The following TMPRSS15 variants were observed in gnomAD, a reference collection of about 807,000 sequenced individuals.
The protein encoded by TMPRSS15 is enteropeptidase.
Under a neutral mutation model 125.3 loss-of-function variants are expected in TMPRSS15, and 128 were observed. The ratio of observed to expected loss-of-function variants is 1.02; its 90% CI spans 0.89 to 1.18. TMPRSS15 has a LOEUF of 1.18. TMPRSS15 is among the 50% of genes most tolerant of loss of function. The pLI is 0.00. For missense variants in TMPRSS15, 1,283 were observed against 1,212.7 expected (o/e 1.06, Z -0.86); for synonymous variants, 446 against 423.2 (o/e 1.05, Z -0.66).
intron 17 of TMPRSS15, among the ~76,000 whole-genome samples, chr21:18,314,260 A>G (rs984233327): frequency 9.2e-5 from 14 of 152,032 alleles, no homozygotes; most frequent in Non-Finnish European, 2.1e-4. Flanking sequence ...TAGTTTCCTC[A>G]TGGGTAAACT....
chr21:18,448,684 T>A (rs2076260860), intron 1 of TMPRSS15, among the ~76,000 whole-genome samples: 1 of 152,132 alleles, frequency 6.6e-6, no homozygotes, highest in Non-Finnish European at 1.5e-5. Context: ...GATACATTTA[T>A]ATAATTTTAA....
At chr21:18,321,446 G>A (rs1329739681) in intron 16 of TMPRSS15, among the ~76,000 whole-genome samples, 15 of 133,832 alleles carry the variant, frequency 1.1e-4, no homozygotes, top group Non-Finnish European at 1.8e-4. Flanking sequence ...TCCACCTCCC[G>A]GGTTCACGCC....
chr21:18,291,210 G>A (rs1384109894), intron 21 of TMPRSS15, among the ~76,000 whole-genome samples: 3 of 152,208 alleles, frequency 2.0e-5, no homozygotes, highest in South Asian at 2.1e-4. Flanking sequence ...GAGATACTAA[G>A]TTGCTTGTCC....
At chr21:18,440,386 A>AAAG (rs1555912656) in intron 1 of TMPRSS15, among the ~76,000 whole-genome samples, 4 of 133,526 alleles carry the variant, frequency 3.0e-5, no homozygotes, top group East Asian at 2.3e-4. Flanking sequence ...AAAAAAAAAA[A>AAAG]AAAGAAAACT....
At chr21:18,477,920 C>A (rs1978908951) in intron 1 of TMPRSS15, among the ~76,000 whole-genome samples, 1 of 152,104 alleles carries the variant, frequency 6.6e-6, no homozygotes, top group Non-Finnish European at 1.5e-5. Flanking sequence ...TTATCACCCA[C>A]AATTAGGAAA....
At chr21:18,366,443 A>G (rs1287822531) in intron 6 of TMPRSS15, among the ~76,000 whole-genome samples, 1 of 152,190 alleles carries the variant, frequency 6.6e-6, no homozygotes, top group East Asian at 1.9e-4. Flanking sequence ...TTTTCATAGT[A>G]GATTTATTTC....
chr21:18,441,781 C>T (rs978134042), intron 1 of TMPRSS15, among the ~76,000 whole-genome samples: 2 of 151,116 alleles, frequency 1.3e-5, no homozygotes, highest in Admixed American at 1.3e-4. Flanking sequence ...ACCTCTGGCT[C>T]CCAGGTTCAA....
chr21:18,439,570 C>T (rs896485374), intron 1 of TMPRSS15, among the ~76,000 whole-genome samples: 33 of 152,060 alleles, frequency 2.2e-4, no homozygotes, highest in Non-Finnish European at 8.8e-5. Context: ...TTTTCCAATT[C>T]AAATAGCATT....
At chr21:18,270,190 T>C in intron 24 of TMPRSS15, 66 bp from the exon 25 acceptor site, 1 of 1,359,134 alleles carries the variant, frequency 7.4e-7, no homozygotes, top group Non-Finnish European at 1.0e-6. Flanking sequence ...TATAAAATTA[T>C]TTGTATCAAA....
intron 1 of TMPRSS15, among the ~76,000 whole-genome samples, chr21:18,476,904 TC>T (rs200949280): frequency 2.8e-5 from 4 of 144,162 alleles, no homozygotes; most frequent in Non-Finnish European, 4.4e-5. Flanking sequence ...ATTCTCTCTC[TC>T]TTTTTTTTTT....
At chr21:18,359,305 A>G (rs1263491188) in intron 8 of TMPRSS15, among the ~76,000 whole-genome samples, 1 of 152,002 alleles carries the variant, frequency 6.6e-6, no homozygotes, top group Non-Finnish European at 1.5e-5. Context: ...TTGGCTAGAC[A>G]GTGTTTTAGC....
At chr21:18,358,497 A>G (rs2075647191) in intron 8 of TMPRSS15, among the ~76,000 whole-genome samples, 1 of 151,972 alleles carries the variant, frequency 6.6e-6, no homozygotes, top group Non-Finnish European at 1.5e-5. Flanking sequence ...TCTATCAGCT[A>G]TAGAAATAGA....
chr21:18,294,523 A>G (rs2074878858), intron 20 of TMPRSS15, 79 bp from the exon 21 acceptor site: 3 of 1,603,420 alleles, frequency 1.9e-6, no homozygotes, highest in Middle Eastern at 1.7e-4. Context: ...TGGTAACAAA[A>G]TAACTTCAGG....
chr21:18,446,752 A>C (rs2076256577), intron 1 of TMPRSS15, among the ~76,000 whole-genome samples: 1 of 152,192 alleles, frequency 6.6e-6, no homozygotes, highest in African/African-American at 2.4e-5. Context: ...TCGAAGAATA[A>C]AACTAAACTT....
chr21:18,281,108 T>G lies in TMPRSS15; in HGVS notation c.2600A>C (p.His867Pro). ...GTTGTCCTTTCTTCGCCTATTGTAA[T>G]GAGGGTTTATGACAATTTCATCTAT... The part of the protein sequence containing the change: ...RLIDEIVINP[H>P]YNRRRKDNDI... Residue 867 changes from histidine (H) to proline (P), a missense_variant, in exon 22 of 25, where the codon CAT becomes CCT. Physicochemically the swap from His to Pro is moderately conservative, Grantham distance 77. Coordinates refer to ENST00000284885, the MANE Select transcript of TMPRSS15 (RefSeq NM_002772.3). The G allele has an allele frequency of 6.2e-7, 1 of 1,614,112 alleles. No individual in the cohort carries two copies. The highest frequency in any genetic ancestry group is 8.5e-7 in the Non-Finnish European group (1 of 1,180,006).
At chr21:18,380,040 C>T (rs970918308) in intron 4 of TMPRSS15, among the ~76,000 whole-genome samples, 12 of 151,990 alleles carry the variant, frequency 7.9e-5, no homozygotes, top group African/African-American at 2.7e-4. Flanking sequence ...AACATAAAGT[C>T]TGAATTCTCC....
At chr21:18,329,573 A>G (rs368556107) in intron 14 of TMPRSS15, among the ~76,000 whole-genome samples, 5 of 151,528 alleles carry the variant, frequency 3.3e-5, no homozygotes, top group East Asian at 3.9e-4. Context: ...ATCAAAGTTT[A>G]CAAATATTAT....
At chr21:18,341,205 G>T (rs180696746) in intron 13 of TMPRSS15, among the ~76,000 whole-genome samples, 42 of 152,196 alleles carry the variant, frequency 2.8e-4, no homozygotes, top group Admixed American at 1.2e-3. Context: ...GGGACTACAG[G>T]TATGCACCAC....
chr21:18,382,311 C>T (rs1012058946), intron 4 of TMPRSS15, among the ~76,000 whole-genome samples: 1 of 152,130 alleles, frequency 6.6e-6, no homozygotes, highest in Admixed American at 6.6e-5. Flanking sequence ...GTTTTCAGCT[C>T]ATCTGAATCA....
Sources: gnomAD v4.1 joint callset for allele counts (sites outside exome capture counted in the v4.1 genomes callset) on GRCh38, gnomAD v4.1.1 for gene constraint, MANE v1.5 for transcripts, NCBI Gene and HGNC (gene_info 2026-07-23, HGNC 2026-07-21) for gene names.